The following LRRTM4 variants were observed in gnomAD, a reference collection of about 807,000 sequenced individuals.
LRRTM4 encodes leucine rich repeat transmembrane neuronal 4.
LRRTM4 carries 25 observed loss-of-function variants against 47.6 expected under a neutral mutation model. That is an observed-to-expected ratio of 0.53 (90% CI 0.38 to 0.73). The LOEUF (loss-of-function observed/expected upper bound fraction) is 0.73. Ranked by LOEUF, LRRTM4 falls within the 30% of genes least tolerant of loss-of-function variation. The pLI is 0.00. For synonymous variants in LRRTM4, 311 were observed against 269.5 expected (o/e 1.15, Z -1.51); for missense variants, 638 against 713.4 (o/e 0.89, Z 1.20).
At chr2:76,762,074 G>C (rs559585383) in intron 3 of LRRTM4, among the ~76,000 whole-genome samples, 2 of 152,168 alleles carry the variant, frequency 1.3e-5, no homozygotes, top group South Asian at 4.2e-4. Flanking sequence ...AACTACAGCC[G>C]CTACCCATGC....
Position 76,972,470 on chromosome 2 carries a change from T to G in LRRTM4, c.1552-223554A>C, listed in dbSNP as rs111399809. On this transcript the variant is annotated intron_variant, in intron 3 of 3. Coordinates refer to ENST00000409884, the MANE Select transcript of LRRTM4 (RefSeq NM_001134745.3). ...TCTCCCTCTATTGCCCAGGATGGAG[T>G]GCAGTGGTGCAGTTTCAGCTCACTG... Among the ~76,000 whole-genome samples the G allele has an allele frequency of 8.4e-3, 1,174 of 140,514 alleles. 12 individuals carry two copies. The highest frequency in any genetic ancestry group is 0.03 in the African/African-American group (1,097 of 37,178). The allele number at this position is 140,514 out of a possible 152,430, so 92.2% of individuals were successfully genotyped here. A position where few individuals can be genotyped will look rare whatever the true frequency, so the allele number is the denominator to read the frequency against.
At chr2:76,923,807 C>T (rs2103814856) in intron 3 of LRRTM4, among the ~76,000 whole-genome samples, 1 of 152,190 alleles carries the variant, frequency 6.6e-6, no homozygotes, top group East Asian at 1.9e-4. Context: ...GTTTCTTTAG[C>T]TATTTCAGTG....
chr2:76,968,811 A>G (rs945821346), intron 3 of LRRTM4, among the ~76,000 whole-genome samples: 2 of 151,836 alleles, frequency 1.3e-5, no homozygotes, highest in African/African-American at 4.8e-5. Context: ...CGTGTTCAGC[A>G]AAGCATTTAA....
At chr2:77,239,046 G>A (rs1419694123) in intron 3 of LRRTM4, among the ~76,000 whole-genome samples, 4 of 151,630 alleles carry the variant, frequency 2.6e-5, no homozygotes, top group Non-Finnish European at 5.9e-5. Flanking sequence ...ATATCAAAGA[G>A]AAATCTGAAC....
At chr2:77,326,352 A>G (rs896031002) in intron 3 of LRRTM4, among the ~76,000 whole-genome samples, 1 of 152,158 alleles carries the variant, frequency 6.6e-6, no homozygotes, top group African/African-American at 2.4e-5. Context: ...AGAAATTGCA[A>G]GGAAAATAAA....
chr2:76,866,890 T>TA, intron 3 of LRRTM4, among the ~76,000 whole-genome samples: 1 of 152,118 alleles, frequency 6.6e-6, no homozygotes, highest in Admixed American at 6.5e-5. Context: ...CAAGCAGCCA[T>TA]AAAAAAGAAT....
chr2:77,512,405 T>C (rs75045262), intron 3 of LRRTM4, among the ~76,000 whole-genome samples: 24,504 of 152,150 alleles, frequency 0.16, 2,459 homozygotes, highest in Non-Finnish European at 0.23. Flanking sequence ...CTTTCATGAA[T>C]ATTGAGATTT....
chr2:76,755,422 T>C (rs1408140812), intron 3 of LRRTM4, among the ~76,000 whole-genome samples: 1 of 152,204 alleles, frequency 6.6e-6, no homozygotes, highest in Non-Finnish European at 1.5e-5. Flanking sequence ...TAACTCCAAT[T>C]TCCCATCCCA....
chr2:76,882,863 C>G (rs1412327604), intron 3 of LRRTM4, among the ~76,000 whole-genome samples: 1 of 152,148 alleles, frequency 6.6e-6, no homozygotes, highest in Non-Finnish European at 1.5e-5. Context: ...TCCTGTCCCT[C>G]CTGTCTTCCA....
intron 3 of LRRTM4, among the ~76,000 whole-genome samples, chr2:77,346,969 G>A (rs905771085): frequency 2.4e-4 from 36 of 152,108 alleles, no homozygotes; most frequent in African/African-American, 8.0e-4. Context: ...GATGCACTCT[G>A]CACTCCCTCT....
chr2:76,996,874 G>A (rs1677221576), intron 3 of LRRTM4, among the ~76,000 whole-genome samples: 1 of 152,098 alleles, frequency 6.6e-6, no homozygotes, highest in South Asian at 2.1e-4. Flanking sequence ...ATTTCTTAGA[G>A]GCTCACTCCT....
chr2:76,957,649 A>G (rs1348746464), intron 3 of LRRTM4, among the ~76,000 whole-genome samples: 4 of 151,710 alleles, frequency 2.6e-5, no homozygotes, highest in African/African-American at 9.7e-5. Flanking sequence ...TCCTCTTATG[A>G]TAGTGCCAAA....
At position 76,776,012 on chromosome 2, in the gene LRRTM4, G is replaced by T. The variant is rs537401106; in HGVS notation, c.1552-27096C>A. Among the ~76,000 whole-genome samples, 10 of 151,848 alleles carry T rather than the reference G, an allele frequency of 6.6e-5. No individual in the cohort carries two copies. The South Asian group carries it at 1.9e-3, about 28-fold the overall frequency. ...TATGAGTGACAATATGCGGTGTTTG[G>T]TTTTTTGTTCTTGCAGTAGTTTACT... On this transcript the variant is annotated intron_variant, in intron 3 of 3. Coordinates refer to ENST00000409884, the MANE Select transcript of LRRTM4 (RefSeq NM_001134745.3).
chr2:76,834,598 T>C (rs1671455187), intron 3 of LRRTM4, among the ~76,000 whole-genome samples: 1 of 152,056 alleles, frequency 6.6e-6, no homozygotes, highest in Admixed American at 6.6e-5. Flanking sequence ...TTAGATAATA[T>C]GCCATTTGGG....
intron 3 of LRRTM4, among the ~76,000 whole-genome samples, chr2:77,259,367 C>CACACAAA (rs1391675666): frequency 6.6e-6 from 1 of 152,020 alleles, no homozygotes; most frequent in Non-Finnish European, 1.5e-5. Context: ...ATGCTGAGTG[C>CACACAAA]TTGACAGATA....
chr2:77,287,729 T>G (rs1006551373), intron 3 of LRRTM4, among the ~76,000 whole-genome samples: 1 of 152,146 alleles, frequency 6.6e-6, no homozygotes, highest in Non-Finnish European at 1.5e-5. Flanking sequence ...TTACATAACT[T>G]TTATTACAGT....
intron 3 of LRRTM4, among the ~76,000 whole-genome samples, chr2:77,073,575 A>C (rs1405844882): frequency 1.3e-5 from 2 of 152,128 alleles, no homozygotes; most frequent in Non-Finnish European, 2.9e-5. Context: ...TGAATCTTAG[A>C]GAATGTGCAA....
chr2:77,159,467 C>A (rs956090365), intron 3 of LRRTM4, among the ~76,000 whole-genome samples: 1 of 145,924 alleles, frequency 6.9e-6, no homozygotes, highest in African/African-American at 2.5e-5. Context: ...CACACATATA[C>A]ATATGTAACA....
chr2:76,896,151 G>T (rs1036851635), intron 3 of LRRTM4, among the ~76,000 whole-genome samples: 1 of 151,972 alleles, frequency 6.6e-6, no homozygotes, highest in African/African-American at 2.4e-5. Flanking sequence ...TAAAATTAAT[G>T]TAAGTATTTA....
Sources: gnomAD v4.1 joint callset for allele counts (sites outside exome capture counted in the v4.1 genomes callset) on GRCh38, gnomAD v4.1.1 for gene constraint, MANE v1.5 for transcripts, NCBI Gene and HGNC (gene_info 2026-07-23, HGNC 2026-07-21) for gene names.